Variants in SEL1L3 observed in about 807,000 individuals in gnomAD.
The protein encoded by SEL1L3 is protein sel-1 homolog 3.
SEL1L3 carries 76 observed loss-of-function variants against 142.8 expected under a neutral mutation model. The observed-to-expected ratio is 0.53, with a 90% CI of 0.44 to 0.64. The LOEUF is 0.64. SEL1L3 is among the 30% of genes least tolerant of loss of function. SEL1L3 has a pLI of 0.00. For missense variants in SEL1L3, 1,262 were observed against 1,381.7 expected, an observed-to-expected ratio of 0.91 and a Z score of 1.37; for synonymous variants, 504 against 519.6, an observed-to-expected ratio of 0.97 and a Z score of 0.41.
chr4:25,829,900 G>T (rs1715327272), intron 6 of SEL1L3, among the ~76,000 whole-genome samples, 198 bp downstream of exon 6: 4 of 152,046 alleles, frequency 2.6e-5, no homozygotes, highest in African/African-American at 9.7e-5. Flanking sequence ...AGAAAAAAAG[G>T]TTGTGGGGGA....
the SEL1L3 span, chr4:25,720,380 A>G: frequency 6.6e-6 from 1 of 152,174 alleles, no homozygotes; most frequent in Non-Finnish European, 1.5e-5. Flanking sequence ...GGGATCCACA[A>G]TGCTATTATT....
At chr4:25,792,636 T>G (rs1054336840) in intron 11 of SEL1L3, among the ~76,000 whole-genome samples, 1 of 152,168 alleles carries the variant, frequency 6.6e-6, no homozygotes, top group Non-Finnish European at 1.5e-5. Flanking sequence ...TGGAGCCTAG[T>G]TTTGAACCTA....
intron 1 of SEL1L3, among the ~76,000 whole-genome samples, chr4:25,860,445 A>C (rs1717624255): frequency 6.6e-6 from 1 of 152,158 alleles, no homozygotes; most frequent in African/African-American, 2.4e-5. Flanking sequence ...ATGTTTTTCA[A>C]GTGTTTCATA....
At chr4:25,841,785 C>G (rs949045260) in intron 2 of SEL1L3, among the ~76,000 whole-genome samples, 18 of 152,122 alleles carry the variant, frequency 1.2e-4, no homozygotes, top group African/African-American at 4.1e-4. Context: ...CATAGCGAAA[C>G]ACCATCTCTA....
intron 7 of SEL1L3, among the ~76,000 whole-genome samples, chr4:25,820,848 T>G (rs1436509721): frequency 6.6e-6 from 1 of 152,196 alleles, no homozygotes; most frequent in Non-Finnish European, 1.5e-5. Context: ...TCGCACAATC[T>G]TGGCTCACTG....
At chr4:25,812,514 G>A (rs979712292) in intron 9 of SEL1L3, among the ~76,000 whole-genome samples, 3 of 152,188 alleles carry the variant, frequency 2.0e-5, no homozygotes, top group African/African-American at 7.2e-5. Flanking sequence ...GAGGTCAGGA[G>A]TTTGAGACCA....
At chr4:25,856,459 C>T (rs1418727359) in intron 1 of SEL1L3, among the ~76,000 whole-genome samples, 1 of 152,002 alleles carries the variant, frequency 6.6e-6, no homozygotes, top group African/African-American at 2.4e-5. Context: ...AGAGCTGGGC[C>T]CTGAAAAATG....
the SEL1L3 span, among the ~76,000 whole-genome samples, chr4:25,725,859 C>T: frequency 6.6e-6 from 1 of 152,202 alleles, no homozygotes; most frequent in East Asian, 1.9e-4. Flanking sequence ...ATAATTAGTG[C>T]ATAATGCACA....
chr4:25,829,534 C>G (rs1043053383), intron 6 of SEL1L3, among the ~76,000 whole-genome samples: 3 of 152,096 alleles, frequency 2.0e-5, no homozygotes, highest in Admixed American at 2.0e-4. Context: ...ATAAAACCCA[C>G]GATTATACGT....
At chr4:25,790,947 A>G (rs1366527186) in intron 11 of SEL1L3, among the ~76,000 whole-genome samples, 2 of 152,262 alleles carry the variant, frequency 1.3e-5, no homozygotes, top group African/African-American at 4.8e-5. Flanking sequence ...CTACAATGAC[A>G]TAAGGTCAAA....
intron 3 of SEL1L3, among the ~76,000 whole-genome samples, chr4:25,834,900 T>C (rs1049296519): frequency 1.3e-5 from 2 of 152,192 alleles, no homozygotes; most frequent in African/African-American, 4.8e-5. Context: ...TGTGCTGGCT[T>C]TGGCTGGCTG....
intron 13 of SEL1L3, 32 bp from the exon 14 acceptor site, chr4:25,784,322 G>T (rs35983322): frequency 0.01 from 16,278 of 1,557,916 alleles, 170 homozygotes; most frequent in Non-Finnish European, 0.01. Context: ...TGATTACAAA[G>T]AAAATACAAC....
intron 23 of SEL1L3, chr4:25,756,817 T>G: frequency 7.9e-7 from 1 of 1,269,522 alleles, no homozygotes; most frequent in Non-Finnish European, 1.0e-6. Flanking sequence ...TTTATCCTCT[T>G]ACACATCTGA....
In SEL1L3 at chr4:25,782,170, A is replaced by G. The variant is rs1485289543; in HGVS notation, c.2457+72T>C. On this transcript the variant is annotated intron_variant, in intron 15 of 23. Transcript: ENST00000399878. ...GTCTGGGGTTGGGTCTGGTGCACACAGTGTACCTTCAACAAATGCTTCATG... is the reference window on the plus strand; with the variant it reads ...GTCTGGGGTTGGGTCTGGTGCACACGGTGTACCTTCAACAAATGCTTCATG... The G allele has an allele frequency of 3.7e-6, 5 of 1,361,654 alleles. No homozygotes were observed. In the African/African-American group the frequency reaches 4.3e-5, roughly 12 times the overall value. The allele number at this position is 1,361,654 out of a possible 1,614,324, so 84.3% of individuals were successfully genotyped here.
At chr4:25,798,068 G>A (rs769408716) in intron 11 of SEL1L3, among the ~76,000 whole-genome samples, 2 of 152,182 alleles carry the variant, frequency 1.3e-5, no homozygotes, top group Non-Finnish European at 2.9e-5. Flanking sequence ...GAACAGCCAG[G>A]CCTGGCCAAA....
Position 25,759,080 on chromosome 4 carries a change from C to T in SEL1L3, c.2956-12G>A, listed in dbSNP as rs1718202850. On this transcript the variant is annotated splice_polypyrimidine_tract_variant and intron_variant, in intron 20 of 23. Transcript: ENST00000399878. ...AGGTTAAAAAATCCCTAAAAACAAGCCACAAACCAAACTCATCAAATCCTT... is the reference window on the plus strand; with the variant it reads ...AGGTTAAAAAATCCCTAAAAACAAGTCACAAACCAAACTCATCAAATCCTT... 6.2e-7 allele frequency: 1 copy of T among 1,612,130 alleles called. No homozygotes were observed. Among genetic ancestry groups the T allele is most frequent in the African/African-American group, 1.3e-5 (1 of 74,834 alleles).
At chr4:25,730,795 G>A in the SEL1L3 span, among the ~76,000 whole-genome samples, 21 of 152,086 alleles carry the variant, frequency 1.4e-4, no homozygotes, top group South Asian at 2.1e-4. Context: ...TTGGGAGGCC[G>A]AGGTGGGCAG....
chr4:25,799,408 T>A (rs547570250), intron 11 of SEL1L3, among the ~76,000 whole-genome samples: 2 of 152,292 alleles, frequency 1.3e-5, no homozygotes, highest in South Asian at 4.1e-4. Flanking sequence ...CCAGTCCTAC[T>A]GGATTAGAGG....
intron 23 of SEL1L3, among the ~76,000 whole-genome samples, chr4:25,757,087 G>A (rs1718014782): frequency 6.6e-6 from 1 of 152,014 alleles, no homozygotes; most frequent in South Asian, 2.1e-4. Flanking sequence ...GGCCAACATG[G>A]TGAAACCCCG....
Sources: allele counts gnomAD v4.1 joint callset (sites outside exome capture counted in the v4.1 genomes callset), GRCh38; gene constraint gnomAD v4.1.1; transcripts MANE v1.5; gene names NCBI Gene and HGNC (gene_info 2026-07-23, HGNC 2026-07-21).